Variants in ZCCHC14 observed in about 807,000 individuals in gnomAD.
ZCCHC14 encodes the protein zinc finger CCHC domain-containing protein 14.
A neutral mutation model predicts 85.0 loss-of-function variants in ZCCHC14; 16 were observed. The observed-to-expected ratio is 0.19, with a 90% confidence interval of 0.13 to 0.29. The LOEUF (loss-of-function observed/expected upper bound fraction) is 0.29, where lower values mean the gene tolerates loss of function less well. ZCCHC14 is among the 10% of genes least tolerant of loss of function. The pLI is 1.00. For missense variants in ZCCHC14, 1,303 were observed against 1,443.5 expected (o/e 0.90, Z 1.58); for synonymous variants, 775 against 630.7 (o/e 1.23, Z -3.43).
rs1182725528 is a variant in ZCCHC14, at chr16:87,413,181, C to T, written c.1618G>A (p.Val540Met). 6.3e-7 allele frequency: 1 copy of T among 1,576,682 alleles called. No individual in the cohort carries two copies. The highest frequency in any genetic ancestry group is 8.6e-7 in the Non-Finnish European group (1 of 1,162,180). The change falls in exon 11 of 13, where the codon GTG becomes ATG. Residue 540 changes from valine (V) to methionine (M), a missense_variant. Val to Met is a conservative substitution (Grantham distance 21). Coordinates refer to ENST00000671377, the MANE Select transcript of ZCCHC14 (RefSeq NM_015144.3). ...GGCAGCTGGTGATGGGGCTGCTCCA[C>T]TTCCACCCGCAGCTCTGCAGAAAAG... Reference protein sequence around the residue: ...GSHAAELRVEVEQPHHQLPRE... With the variant: ...GSHAAELRVEMEQPHHQLPRE...
chr16:87,412,176 G>A lies in ZCCHC14; in HGVS notation c.2545C>T (p.His849Tyr). Residue 849 changes from histidine (H) to tyrosine (Y), a missense_variant, in exon 12 of 13, where the codon CAC becomes TAC. His to Tyr is a moderately conservative substitution (Grantham distance 83). Transcript: ENST00000671377. ...ANSNTASPSS[H>Y]PSTSFANMAT... ...ATGTTGGCAAAGGACGTGGAGGGGT[G>A]GCTGCTGGGAGAGGCAGTGTTGCTG... 1 of 1,614,076 alleles carries A rather than the reference G, an allele frequency of 6.2e-7. No individual in the cohort carries two copies. Among genetic ancestry groups the A allele is most frequent in the Non-Finnish European group, 8.5e-7 (1 of 1,180,032 alleles).
At position 87,420,751 on chromosome 16, in the gene ZCCHC14, A is replaced by G. The variant is rs1294509288; in HGVS notation, c.841-35T>C. 1.9e-6 allele frequency: 3 copies of G among 1,554,064 alleles called. No homozygotes were observed. Among genetic ancestry groups the G allele is most frequent in the Non-Finnish European group, 2.6e-6 (3 of 1,143,404 alleles). ...AGGACAAGGTAGAGGAGGTGTGTCC[A>G]GACCCATCCAACACCAGCAGAATTC... On this transcript the variant is annotated intron_variant, in intron 4 of 12. Transcript: ENST00000671377. The surrounding 1 kb of genome is among the most constrained non-coding windows in gnomAD (Gnocchi z 5.0).
chr16:87,468,852 G>T (rs1176250539), intron 1 of ZCCHC14, among the ~76,000 whole-genome samples: 1 of 152,214 alleles, frequency 6.6e-6, no homozygotes, highest in Admixed American at 6.5e-5. Context: ...CCTCAGGAGT[G>T]CCAAGGCTGA....
intron 1 of ZCCHC14, among the ~76,000 whole-genome samples, chr16:87,475,534 C>T (rs1364904334): frequency 8.0e-6 from 1 of 125,166 alleles, no homozygotes; most frequent in African/African-American, 3.2e-5. Context: ...GCCTGGGTGG[C>T]AGAGCAAGAC....
At chr16:87,467,254 T>C (rs935629310) in intron 1 of ZCCHC14, 3 of 1,575,240 alleles carry the variant, frequency 1.9e-6, no homozygotes, top group Non-Finnish European at 1.7e-6. Flanking sequence ...TACCGGACAC[T>C]AAACCCAAAA....
intron 2 of ZCCHC14, among the ~76,000 whole-genome samples, chr16:87,445,675 C>T (rs577167103): frequency 2.0e-5 from 3 of 152,092 alleles, no homozygotes; most frequent in Non-Finnish European, 2.9e-5. Context: ...TGGGCTCAGC[C>T]GCTACGACTA....
intron 1 of ZCCHC14, chr16:87,474,055 G>C (rs1911894190): frequency 6.6e-6 from 1 of 152,186 alleles, no homozygotes; most frequent in African/African-American, 2.4e-5. Flanking sequence ...GATCACAGAA[G>C]ACATTTAGGC....
chr16:87,458,836 G>T (rs1033645564), intron 2 of ZCCHC14, among the ~76,000 whole-genome samples: 10 of 152,176 alleles, frequency 6.6e-5, no homozygotes, highest in African/African-American at 2.4e-4. Context: ...TGCGGACACA[G>T]CCGGCCTCGG....
At position 87,409,163 on chromosome 16, in the gene ZCCHC14, T is replaced by C. The variant is rs1280063436; in HGVS notation, c.*1117A>G. On this transcript the variant is annotated 3_prime_UTR_variant, in exon 13 of 13. Transcript: ENST00000671377. ...GTTTTCCAAGTAATTTTTAACGGAA[T>C]TAACTATCAATACACAGCCTAATAC... The C allele has an allele frequency of 2.6e-5, 4 of 152,332 alleles. No individual in the cohort carries two copies. Among genetic ancestry groups the C allele is most frequent in the African/African-American group, 4.8e-5 (2 of 41,462 alleles). The allele number at this position is 152,332 out of a possible 1,614,324, so 9.4% of individuals were successfully genotyped here.
intron 1 of ZCCHC14, chr16:87,470,326 A>G (rs1404450821): frequency 6.6e-6 from 1 of 151,220 alleles, no homozygotes; most frequent in East Asian, 1.9e-4. Flanking sequence ...CGACACCCCA[A>G]CTCAAATAAA....
rs1225775650 is a variant in ZCCHC14, at chr16:87,407,541, C to G, written c.*2739G>C. On this transcript the variant is annotated 3_prime_UTR_variant, in exon 13 of 13. Coordinates refer to ENST00000671377, the MANE Select transcript of ZCCHC14 (RefSeq NM_015144.3). ...AAAAAGGATTAAATAGCTGTTGTAT[C>G]CAAACATCACGTTCTGCTTCCATCT... 6.6e-6 allele frequency: 1 copy of G among 152,152 alleles called. No homozygotes were observed. The highest frequency in any genetic ancestry group is 1.5e-5 in the Non-Finnish European group (1 of 68,028). 9.4% of individuals were successfully genotyped at this position (152,152 alleles called of 1,614,324 possible).
intron 2 of ZCCHC14, among the ~76,000 whole-genome samples, chr16:87,459,469 C>G (rs901053187): frequency 1.3e-5 from 2 of 151,730 alleles, no homozygotes; most frequent in Admixed American, 1.3e-4. Context: ...CTCAGCCTCT[C>G]AAGTAGCTGG....
intron 8 of ZCCHC14, among the ~76,000 whole-genome samples, chr16:87,416,735 G>A (rs1908804374): frequency 6.6e-6 from 1 of 152,044 alleles, no homozygotes; most frequent in Non-Finnish European, 1.5e-5. Flanking sequence ...CAGCCCAGGT[G>A]GCAGTGCAAG....
At chr16:87,457,318 C>G (rs910563029) in intron 2 of ZCCHC14, among the ~76,000 whole-genome samples, 1 of 152,236 alleles carries the variant, frequency 6.6e-6, no homozygotes, top group African/African-American at 2.4e-5. Flanking sequence ...CCTTTCTTTT[C>G]CTCTGCTATT....
At chr16:87,424,130 G>T (rs1227934179) in intron 3 of ZCCHC14, among the ~76,000 whole-genome samples, 1 of 152,192 alleles carries the variant, frequency 6.6e-6, no homozygotes, top group Non-Finnish European at 1.5e-5. Flanking sequence ...TCCAGAGTGG[G>T]GTCTACAGCT....
rs1912805627 is a variant in ZCCHC14, at chr16:87,492,332, G to T, written c.-94C>A. ...GCCGCGGCCGGGGCGCGCCGGGACC[G>T]GGGACGCGCGGGCCGGGGCCGGGTC... On this transcript the variant is annotated 5_prime_UTR_variant, in exon 1 of 13. Transcript: ENST00000671377. The surrounding 1 kb of genome is among the most constrained non-coding windows in gnomAD (Gnocchi z 6.7). The T allele has an allele frequency of 7.4e-6, 3 of 406,320 alleles. No individual in the cohort carries two copies. The highest frequency in any genetic ancestry group is 2.2e-5 in the African/African-American group (1 of 45,242). 25.2% of individuals were successfully genotyped at this position (406,320 alleles called of 1,614,324 possible).
intron 2 of ZCCHC14, among the ~76,000 whole-genome samples, chr16:87,459,212 G>T (rs1911130524): frequency 6.6e-6 from 1 of 152,196 alleles, no homozygotes; most frequent in Admixed American, 6.5e-5. Flanking sequence ...GGCACGTGTG[G>T]CTGCTGACAA....
intron 2 of ZCCHC14, among the ~76,000 whole-genome samples, chr16:87,436,314 G>GT (rs1909917452): frequency 6.6e-6 from 1 of 152,274 alleles, no homozygotes; most frequent in Admixed American, 6.5e-5. Flanking sequence ...AGCCTGGGCA[G>GT]TGGCGGCCCC....
chr16:87,471,273 C>T (rs1276265003), intron 1 of ZCCHC14: 1 of 152,210 alleles, frequency 6.6e-6, no homozygotes, highest in Non-Finnish European at 1.5e-5. Context: ...CTAAAATAGT[C>T]ATTACGTGTC....
Sources: allele counts gnomAD v4.1 joint callset (sites outside exome capture counted in the v4.1 genomes callset), GRCh38; gene constraint gnomAD v4.1.1; non-coding constraint Gnocchi (gnomAD v3.1); transcripts MANE v1.5; gene names NCBI Gene and HGNC (gene_info 2026-07-23, HGNC 2026-07-21).